NBR1: variants seen among roughly 807,000 people sequenced by gnomAD.
NBR1 encodes the protein next to BRCA1 gene 1 protein.
Under a neutral mutation model 115.5 loss-of-function variants are expected in NBR1, and 59 were observed. The ratio of observed to expected loss-of-function variants is 0.51; its 90% CI spans 0.41 to 0.63. The LOEUF is 0.63. NBR1 is among the 30% of genes least tolerant of loss of function. The probability of loss-of-function intolerance (pLI) is 0.00; values close to 1 mark genes in which losing one functional copy is unlikely to be tolerated. For synonymous variants in NBR1, 373 were observed against 414.7 expected, an observed-to-expected ratio of 0.90 and a Z score of 1.22; for missense variants, 1,043 against 1,150.5, an observed-to-expected ratio of 0.91 and a Z score of 1.35.
intron 3 of NBR1, 99 bp from the exon 4 acceptor site, chr17:43,179,295 G>C: frequency 9.4e-7 from 1 of 1,063,384 alleles, no homozygotes; most frequent in Middle Eastern, 2.0e-4. Context: ...TGAACGCTTG[G>C]CCTGAGTTTT....
In NBR1 at chr17:43,209,933, G is replaced by A. The variant is rs1442334857; in HGVS notation, c.2760G>A (p.Leu920=). The change falls in exon 21 of 21, where the codon CTG becomes CTA. Residue 920 remains leucine, a synonymous_variant. Coordinates refer to ENST00000590996, the MANE Select transcript of NBR1 (RefSeq NM_005899.5). ...TTTCTGAAGATCAGACAGCAGCCCT[G>A]ATGGCCCATCTCTTTGAAATGGGAT... ...PIISEDQTAA[L]MAHLFEMGFC... is the part of the protein sequence containing the mutation. The A allele has an allele frequency of 3.1e-6, 5 of 1,596,106 alleles. No individual in the cohort carries two copies. The highest frequency in any genetic ancestry group is 4.3e-6 in the Non-Finnish European group (5 of 1,172,118).
At chr17:43,203,861 G>A (rs2057257592) in intron 20 of NBR1, 75 bp downstream of exon 20, 1 of 880,360 alleles carries the variant, frequency 1.1e-6, no homozygotes, top group Admixed American at 2.4e-5. Context: ...TGTCTGGGTT[G>A]AAGAGTAACA....
At chr17:43,184,372 C>CATTTTTTTTTTTTTT (rs2056749702) in intron 5 of NBR1, among the ~76,000 whole-genome samples, 1 of 96,194 alleles carries the variant, frequency 1.0e-5, no homozygotes, top group African/African-American at 3.3e-5. Context: ...AAATACTATT[C>CATTTTTTTTTTTTTT]TTTTTTTTTT....
intron 5 of NBR1, among the ~76,000 whole-genome samples, chr17:43,184,609 GC>G (rs2056756865): frequency 6.6e-6 from 1 of 151,114 alleles, no homozygotes; most frequent in South Asian, 2.1e-4. Flanking sequence ...CAGGTGATCT[GC>G]TCAGCTCAGA....
chr17:43,194,382 G>C lies in NBR1; in HGVS notation c.1557G>C (p.Gln519His). Residue 519 changes from glutamine to histidine, a missense_variant, in exon 13 of 21, where the codon CAG (glutamine) becomes CAC (histidine). Physicochemically the swap from Gln to His is conservative, Grantham distance 24. Transcript: ENST00000590996. The part of the protein sequence containing the change: ...ETFLLAKEER[Q>H]LGEVTEQTEG... The stretch of plus-strand genomic sequence containing the variant: ...TTCTTCTGGCTAAAGAAGAAAGACA[G>C]CTTGGTGAAGTGACTGAGCAGACAG... 1.2e-6 allele frequency: 2 copies of C among 1,613,834 alleles called. No homozygotes were observed. Among genetic ancestry groups the C allele is most frequent in the Non-Finnish European group, 1.7e-6 (2 of 1,179,816 alleles).
At position 43,200,539 on chromosome 17, in the gene NBR1, C is replaced by T. The variant is rs755787960; in HGVS notation, c.2399C>T (p.Thr800Met). 1.2e-5 allele frequency: 20 copies of T among 1,613,854 alleles called. No homozygotes were observed. The highest frequency in any genetic ancestry group is 1.4e-5 in the Non-Finnish European group (17 of 1,179,870). Residue 800 changes from threonine (T) to methionine (M), a missense_variant, in exon 17 of 21, where the codon ACG becomes ATG. Thr to Met is a moderately conservative substitution (Grantham distance 81). Coordinates refer to ENST00000590996, the MANE Select transcript of NBR1 (RefSeq NM_005899.5). ...GAGCACAGCATAAGTGACATCCTCA[C>T]GACCTCACAGACTCTGGAAACAGTG... ...PQEHSISDIL[T>M]TSQTLETVPL...
At chr17:43,195,590 G>A (rs1432225234) in intron 14 of NBR1, 1 of 152,716 alleles carries the variant, frequency 6.5e-6, no homozygotes, top group Admixed American at 6.7e-5. Context: ...GGCGGAGGTT[G>A]TGGTGAGCTG....
intron 16 of NBR1, among the ~76,000 whole-genome samples, chr17:43,198,167 CAAA>C (rs1034162744): frequency 2.0e-5 from 2 of 101,846 alleles, no homozygotes; most frequent in Admixed American, 1.0e-4. Context: ...AACTCCGTCT[CAAA>C]AAAAAAAAAA....
chr17:43,205,672 T>G (rs2057299917), intron 20 of NBR1, among the ~76,000 whole-genome samples: 1 of 149,680 alleles, frequency 6.7e-6, no homozygotes, highest in African/African-American at 2.5e-5. Flanking sequence ...CGTCCAGGAG[T>G]TCAAGACCAG....
intron 1 of NBR1, among the ~76,000 whole-genome samples, chr17:43,172,658 G>C (rs2056405088): frequency 6.6e-6 from 1 of 151,990 alleles, no homozygotes; most frequent in Non-Finnish European, 1.5e-5. Flanking sequence ...TTTTGGTGGT[G>C]AACTTGGTTC....
rs1036955027 is a variant in NBR1, at chr17:43,193,282, A to G, written c.1233+29A>G. The stretch of plus-strand genomic sequence containing the variant: ...ATTTTTCCCACAAAATGCAAAGATG[A>G]GGTGATTTGAAGTGGCAGAGTGCTC... On this transcript the variant is annotated intron_variant, in intron 11 of 20. Coordinates refer to ENST00000590996, the MANE Select transcript of NBR1 (RefSeq NM_005899.5). 5.0e-6 allele frequency: 8 copies of G among 1,613,400 alleles called. No homozygotes were observed. The East Asian group carries it at 1.6e-4, about 31-fold the overall frequency.
At chr17:43,191,032 G>A (rs1278955043) in intron 9 of NBR1, among the ~76,000 whole-genome samples, 1 of 152,150 alleles carries the variant, frequency 6.6e-6, no homozygotes, top group African/African-American at 2.4e-5. Flanking sequence ...TGGGAGGAGT[G>A]CTTGAAGCCA....
chr17:43,177,911 C>CT (rs2056562148), intron 2 of NBR1, 25 bp from the exon 3 acceptor site: 4 of 1,468,166 alleles, frequency 2.7e-6, no homozygotes, highest in Non-Finnish European at 3.7e-6. Context: ...TATAACCTGC[C>CT]TTTAAATATG....
rs760293145 is a variant in NBR1, at chr17:43,189,119, G to A, written c.480G>A (p.Thr160=). ...ACTGGTTCACAAGCTACCTGGAGAC[G>A]GTGAGTGTTCTGTCTCGCTTGGGTT... The part of the protein sequence containing the change: ...PPDWFTSYLE[T]FREQVVNETV... The change falls in exon 7 of 21, where the codon ACG becomes ACA. Residue 160 remains threonine, a splice_region_variant and synonymous_variant. Coordinates refer to ENST00000590996, the MANE Select transcript of NBR1 (RefSeq NM_005899.5). The A allele has an allele frequency of 5.0e-6, 8 of 1,602,350 alleles. No homozygotes were observed. Among genetic ancestry groups the A allele is most frequent in the East Asian group, 4.5e-5 (2 of 44,806 alleles).
intron 20 of NBR1, among the ~76,000 whole-genome samples, chr17:43,207,008 T>C (rs796324913): frequency 2.0e-5 from 3 of 152,122 alleles, no homozygotes; most frequent in Admixed American, 6.5e-5. Flanking sequence ...GAGGCTGCAG[T>C]GAGCTGAGGT....
At chr17:43,178,192 G>T (rs1002171106) in intron 3 of NBR1, among the ~76,000 whole-genome samples, 194 bp downstream of exon 3, 20 of 150,876 alleles carry the variant, frequency 1.3e-4, no homozygotes, top group Non-Finnish European at 2.2e-4. Flanking sequence ...CAACACTGAA[G>T]AATATCTCAG....
intron 3 of NBR1, among the ~76,000 whole-genome samples, chr17:43,178,565 C>T (rs1009979309): frequency 2.6e-5 from 4 of 151,272 alleles, no homozygotes; most frequent in Admixed American, 6.6e-5. Flanking sequence ...TTAGTAGAGA[C>T]GGTATTTCAC....
At chr17:43,190,066 G>T in intron 8 of NBR1, 1 of 466,886 alleles carries the variant, frequency 2.1e-6, no homozygotes, top group Non-Finnish European at 3.9e-6. Flanking sequence ...AGATCACTAA[G>T]GGTAGTTCCT....
rs548073628 is a variant in NBR1 at position 43,192,181 on chromosome 17, C to T, written c.1073+600C>T. ...GATTACAGGTGCATGCCACCATGCC[C>T]GGCTAATTTTTGTATTTTTTCAGTA... On this transcript the variant is annotated intron_variant, in intron 10 of 20. Coordinates refer to ENST00000590996, the MANE Select transcript of NBR1 (RefSeq NM_005899.5). Among the ~76,000 whole-genome samples, 41 of 151,176 alleles carry T rather than the reference C, an allele frequency of 2.7e-4. 1 individual carries two copies. Among genetic ancestry groups the T allele is most frequent in the East Asian group, 1.2e-3 (6 of 5,112 alleles).
Sources: gnomAD v4.1 joint callset for allele counts (sites outside exome capture counted in the v4.1 genomes callset) on GRCh38, gnomAD v4.1.1 for gene constraint, MANE v1.5 for transcripts, NCBI Gene and HGNC (gene_info 2026-07-23, HGNC 2026-07-21) for gene names.